The following MGAT4C variants were observed in gnomAD, a reference collection of about 807,000 sequenced individuals.
The protein encoded by MGAT4C is alpha-1,3-mannosyl-glycoprotein 4-beta-N-acetylglucosaminyltransferase C.
In MGAT4C, 19 loss-of-function variants were observed where a neutral mutation model predicts 40.1. The observed-to-expected ratio is 0.47, with a 90% confidence interval of 0.33 to 0.70. The LOEUF (loss-of-function observed/expected upper bound fraction) is 0.70, where lower values mean the gene tolerates loss of function less well. Ranked by LOEUF, MGAT4C falls within the 30% of genes least tolerant of loss-of-function variation. The pLI, the probability that MGAT4C is intolerant of heterozygous loss-of-function variation, is 0.02. For missense variants in MGAT4C, 491 were observed against 563.2 expected, an observed-to-expected ratio of 0.87 and a Z score of 1.30; for synonymous variants, 181 against 187.1, an observed-to-expected ratio of 0.97 and a Z score of 0.27.
At chr12:86,761,779 A>C (rs909829396) in intron 1 of MGAT4C, among the ~76,000 whole-genome samples, 1 of 152,050 alleles carries the variant, frequency 6.6e-6, no homozygotes, top group African/African-American at 2.4e-5. Context: ...CTTCATATTG[A>C]TGGCTATTCT....
At chr12:86,345,117 TGTAA>T (rs1283127213) in intron 3 of MGAT4C, among the ~76,000 whole-genome samples, 4 of 152,082 alleles carry the variant, frequency 2.6e-5, no homozygotes, top group Non-Finnish European at 5.9e-5. Flanking sequence ...CCCAACATAA[TGTAA>T]TATACTTCAG....
chr12:86,591,970 GA>G (rs1290364823), intron 2 of MGAT4C, among the ~76,000 whole-genome samples: 2 of 151,844 alleles, frequency 1.3e-5, no homozygotes, highest in African/African-American at 4.8e-5. Flanking sequence ...CTTATTTCTG[GA>G]AAAAATTATG....
intron 3 of MGAT4C, among the ~76,000 whole-genome samples, chr12:86,418,676 G>C (rs1956766533): frequency 6.6e-6 from 1 of 151,966 alleles, no homozygotes; most frequent in Admixed American, 6.6e-5. Flanking sequence ...ATAAGTGAAA[G>C]TATAAATGCA....
intron 1 of MGAT4C, among the ~76,000 whole-genome samples, chr12:86,123,937 A>G (rs942451987): frequency 1.3e-4 from 20 of 152,050 alleles, no homozygotes; most frequent in African/African-American, 4.3e-4. Flanking sequence ...GAGATGTAGG[A>G]AAAAAATAGT....
At chr12:86,256,444 C>T (rs1952522933), upstream of MGAT4C, 1 of 152,162 alleles carries the variant, frequency 6.6e-6, no homozygotes, top group Non-Finnish European at 1.5e-5. Flanking sequence ...ATGTCACAAA[C>T]ATCAACTGGG....
At chr12:86,543,830 A>G (rs986283929) in intron 2 of MGAT4C, among the ~76,000 whole-genome samples, 2 of 1,196 alleles carry the variant, frequency 1.7e-3, no homozygotes, top group African/African-American at 0.019. Flanking sequence ...CTTTTAGTCT[A>G]TGCGTTTAGC....
intron 1 of MGAT4C, among the ~76,000 whole-genome samples, chr12:86,246,789 C>T (rs1468844396): frequency 6.6e-6 from 1 of 152,174 alleles, no homozygotes; most frequent in Non-Finnish European, 1.5e-5. Context: ...TTGAACATGA[C>T]TTCAACTCCT....
chr12:86,048,762 A>T (rs1468844859), intron 2 of MGAT4C, among the ~76,000 whole-genome samples: 6 of 152,064 alleles, frequency 3.9e-5, no homozygotes, highest in African/African-American at 1.4e-4. Context: ...CCAGTTTTAG[A>T]TCACTAAAGA....
chr12:86,554,132 AT>A (rs1959496447), intron 2 of MGAT4C, among the ~76,000 whole-genome samples: 1 of 32,392 alleles, frequency 3.1e-5, no homozygotes, highest in South Asian at 2.6e-3. Flanking sequence ...ATACACATAC[AT>A]ACACACACAC....
chr12:86,025,563 G>T (rs1179812271), intron 2 of MGAT4C, among the ~76,000 whole-genome samples: 2 of 151,436 alleles, frequency 1.3e-5, no homozygotes, highest in African/African-American at 4.8e-5. Context: ...TTTATATGTT[G>T]TTTCAAATAT....
chr12:86,330,078 T>A (rs186021244), intron 4 of MGAT4C, among the ~76,000 whole-genome samples: 40 of 152,332 alleles, frequency 2.6e-4, no homozygotes, highest in African/African-American at 9.4e-4. Flanking sequence ...CTGAGTATTT[T>A]AAGCTGAAGG....
intron 1 of MGAT4C, among the ~76,000 whole-genome samples, chr12:86,240,198 T>C (rs1951727325): frequency 1.3e-5 from 2 of 148,322 alleles, no homozygotes; most frequent in African/African-American, 2.6e-5. Flanking sequence ...ATATATGATA[T>C]ATATCATATA....
At position 86,093,731 on chromosome 12, in the gene MGAT4C, A is replaced by AAACAACAACAAC. The variant is rs35399411; in HGVS notation, c.-56-44020_-56-44009dup. Among the ~76,000 whole-genome samples the AAACAACAACAAC allele has an allele frequency of 4.4e-3, 655 of 149,534 alleles. 2 individuals carry two copies. Among genetic ancestry groups the AAACAACAACAAC allele is most frequent in the Middle Eastern group, 0.031 (9 of 290 alleles). On this transcript the variant is annotated intron_variant, in intron 1 of 4. Coordinates refer to ENST00000611864, the MANE Select transcript of MGAT4C (RefSeq NM_001351288.2). ...CAAGGCAGAGTGAGACTCCGTCTAA[A>AAACAACAACAAC]AACAACAACAACAACAACAACAACA...
intron 1 of MGAT4C, among the ~76,000 whole-genome samples, chr12:86,075,409 G>GC (rs1329519510): frequency 6.6e-6 from 1 of 152,136 alleles, no homozygotes; most frequent in African/African-American, 2.4e-5. Context: ...CCTCCTAGCT[G>GC]CTTTCCCAGG....
At chr12:86,566,544 A>G (rs1295776370) in intron 2 of MGAT4C, among the ~76,000 whole-genome samples, 6 of 102,216 alleles carry the variant, frequency 5.9e-5, no homozygotes, top group South Asian at 2.8e-4. Flanking sequence ...ATATATATAT[A>G]TATATATATA....
chr12:86,246,179 C>CTTTTTTTTTTTTTTTT, intron 1 of MGAT4C, among the ~76,000 whole-genome samples: 1 of 70,122 alleles, frequency 1.4e-5, no homozygotes, highest in Non-Finnish European at 2.5e-5. Flanking sequence ...TGTACCATTG[C>CTTTTTTTTTTTTTTTT]TTTTTTTTTT....
intron 2 of MGAT4C, among the ~76,000 whole-genome samples, chr12:86,629,906 A>G (rs958550098): frequency 1.3e-5 from 2 of 152,170 alleles, no homozygotes; most frequent in African/African-American, 4.8e-5. Flanking sequence ...TTAAGATCAG[A>G]GCAGAACTGA....
chr12:86,669,591 T>C (rs557655180), intron 2 of MGAT4C, among the ~76,000 whole-genome samples: 1 of 152,360 alleles, frequency 6.6e-6, no homozygotes, highest in Non-Finnish European at 1.5e-5. Flanking sequence ...GGGCACTTAG[T>C]GGCCATCCAC....
Position 86,040,889 on chromosome 12 carries a change from G to A in MGAT4C, c.-7+8785C>T, listed in dbSNP as rs542563218. Among the ~76,000 whole-genome samples the A allele has an allele frequency of 7.9e-5, 12 of 152,270 alleles. No homozygotes were observed. In the South Asian group the frequency reaches 1.0e-3, roughly 13 times the overall value. ...CATGGGAAAGCACAGTATCTGGGCC[G>A]GAGTGCATGGTACAGTCCTAATGGC... On this transcript the variant is annotated intron_variant, in intron 2 of 4. Transcript: ENST00000611864.
Sources: allele counts gnomAD v4.1 joint callset (sites outside exome capture counted in the v4.1 genomes callset), GRCh38; gene constraint gnomAD v4.1.1; transcripts MANE v1.5; gene names NCBI Gene and HGNC (gene_info 2026-07-23, HGNC 2026-07-21).